The following CWC22 variants were observed in gnomAD, a reference collection of about 807,000 sequenced individuals.
The protein encoded by CWC22 is pre-mRNA-splicing factor CWC22 homolog.
In CWC22, 53 loss-of-function variants were observed where a neutral mutation model predicts 117.2. The ratio of observed to expected loss-of-function variants is 0.45; its 90% CI spans 0.36 to 0.57. CWC22 has a LOEUF of 0.57. Among genes scored for constraint, CWC22 ranks in the 20% least tolerant of loss-of-function variants. The probability of loss-of-function intolerance (pLI) is 0.00; values close to 1 mark genes in which losing one functional copy is unlikely to be tolerated. For synonymous variants in CWC22, 360 were observed against 355.6 expected (o/e 1.01, Z -0.14); for missense variants, 980 against 1,068.8 (o/e 0.92, Z 1.16).
rs138589602 is a variant in CWC22 at position 180,003,176 on chromosome 2, T to G, written c.-114+3691A>C. On this transcript the variant is annotated intron_variant, in intron 1 of 19. Transcript: ENST00000410053. ...AAATACTAAGATTTCCAAGTCTTAGTACATCAAGACAACACTATCAGATGC... is the reference window on the plus strand; with the variant it reads ...AAATACTAAGATTTCCAAGTCTTAGGACATCAAGACAACACTATCAGATGC... Among the ~76,000 whole-genome samples the G allele has an allele frequency of 4.8e-3, 727 of 152,278 alleles. 4 individuals are homozygous for G. Among genetic ancestry groups the G allele is most frequent in the African/African-American group, 0.016 (665 of 41,546 alleles).
At position 179,973,857 on chromosome 2, in the gene CWC22, C is replaced by T. The variant is rs112218071; in HGVS notation, c.582-55G>A. 2.4e-3 allele frequency: 2,444 copies of T among 1,035,368 alleles called. 9 individuals are homozygous for T. The highest frequency in any genetic ancestry group is 7.9e-3 in the Middle Eastern group (35 of 4,440). The allele number at this position is 1,035,368 out of a possible 1,614,324, so 64.1% of individuals were successfully genotyped here. A position where few individuals can be genotyped will look rare whatever the true frequency, so the allele number is the denominator to read the frequency against. ...AACAATAATCACCAAATTAATTAAA[C>T]GAAACAAAAACTATTAAAATTCAGT... On this transcript the variant is annotated intron_variant, in intron 6 of 19. Coordinates refer to ENST00000410053, the MANE Select transcript of CWC22 (RefSeq NM_020943.3).
chr2:179,946,893 G>A (rs972873054), intron 19 of CWC22, among the ~76,000 whole-genome samples: 2 of 152,126 alleles, frequency 1.3e-5, no homozygotes, highest in Admixed American at 6.5e-5. Flanking sequence ...TTACACTCAT[G>A]GGCTTTATTA....
chr2:179,949,108 C>G (rs1253472095), intron 19 of CWC22, among the ~76,000 whole-genome samples: 2 of 152,168 alleles, frequency 1.3e-5, no homozygotes, highest in South Asian at 4.2e-4. Context: ...ACTAGAGGGG[C>G]CAAGATGCAG....
At chr2:179,976,634 C>CAT (rs370869884) in intron 6 of CWC22, among the ~76,000 whole-genome samples, 113 of 150,846 alleles carry the variant, frequency 7.5e-4, no homozygotes, top group South Asian at 1.7e-3. Flanking sequence ...GTACAAATAG[C>CAT]ATATATATAT....
At chr2:179,959,681 A>C (rs537361562) in intron 13 of CWC22, among the ~76,000 whole-genome samples, 1 of 152,080 alleles carries the variant, frequency 6.6e-6, no homozygotes, top group Admixed American at 6.5e-5. Context: ...ATGTTACTGT[A>C]CTTCTGAATA....
chr2:179,950,502 G>A lies in CWC22; in HGVS notation c.2140+10C>T. ...AAAGAGCAAGCCAAATTACACATAA[G>A]CTTCAATACCTGAGGCAGAGCTATG... On this transcript the variant is annotated intron_variant, in intron 19 of 19. Transcript: ENST00000410053. 1 of 1,560,226 alleles carries A rather than the reference G, an allele frequency of 6.4e-7. No homozygotes were observed. The highest frequency in any genetic ancestry group is 8.8e-7 in the Non-Finnish European group (1 of 1,137,968).
chr2:179,988,688 G>T, intron 2 of CWC22, 44 bp from the exon 3 acceptor site: 2 of 1,053,206 alleles, frequency 1.9e-6, no homozygotes, highest in Non-Finnish European at 2.8e-6. Flanking sequence ...AATTATTTAT[G>T]TTAATAACAC....
intron 2 of CWC22, among the ~76,000 whole-genome samples, chr2:179,990,560 G>C (rs1239321800): frequency 1.3e-5 from 2 of 151,808 alleles, no homozygotes; most frequent in African/African-American, 4.8e-5. Flanking sequence ...GAGAGAGAGA[G>C]AGAGAGAGAG....
At chr2:179,964,990 G>A (rs1236948044) in intron 12 of CWC22, among the ~76,000 whole-genome samples, 1 of 152,010 alleles carries the variant, frequency 6.6e-6, no homozygotes, top group African/African-American at 2.4e-5. Context: ...TAACTCATGC[G>A]TAAAAATTCA....
chr2:179,982,127 G>A (rs371978009), intron 4 of CWC22, 130 bp from the exon 5 acceptor site: 8 of 618,350 alleles, frequency 1.3e-5, no homozygotes, highest in Non-Finnish European at 2.3e-5. Flanking sequence ...GTTTAGAATG[G>A]TGACAAAGTG....
intron 1 of CWC22, among the ~76,000 whole-genome samples, chr2:180,000,905 A>G (rs191340967): frequency 1.3e-5 from 2 of 152,188 alleles, no homozygotes; most frequent in African/African-American, 4.8e-5. Flanking sequence ...AGGTAGTATT[A>G]CCCCCATTCA....
Position 179,954,352 on chromosome 2 carries a change from A to G in CWC22, c.1542T>C (p.Phe514=), listed in dbSNP as rs1686530126. 6.4e-7 allele frequency: 1 copy of G among 1,561,552 alleles called. No homozygotes were observed. The highest frequency in any genetic ancestry group is 8.8e-7 in the Non-Finnish European group (1 of 1,142,114). Residue 514 remains phenylalanine (F), a synonymous_variant, in exon 16 of 20, where the codon TTT becomes TTC. Transcript: ENST00000410053. ...EKFFGLLAGR[F]CMLKKEYMES... ...CCATGTACTCTTTCTTTAGCATGCA[A>G]AATCGCTAATAAATAAAAAATCAGT...
Position 179,986,685 on chromosome 2 carries a change from C to A in CWC22, c.206+10G>T. The A allele has an allele frequency of 1.4e-6, 2 of 1,479,844 alleles. No individual in the cohort carries two copies. Among genetic ancestry groups the A allele is most frequent in the South Asian group, 1.2e-5 (1 of 83,538 alleles). The allele number at this position is 1,479,844 out of a possible 1,614,324, so 91.7% of individuals were successfully genotyped here. A position where few individuals can be genotyped will look rare whatever the true frequency, so the allele number is the denominator to read the frequency against. On this transcript the variant is annotated intron_variant, in intron 4 of 19. Coordinates refer to ENST00000410053, the MANE Select transcript of CWC22 (RefSeq NM_020943.3). Reference sequence around the variant, plus strand: ...CAATTTTCTACAAGTTAGAAATTCCCAACACTAACCGTGACTCCATGCTAC... The same window carrying A: ...CAATTTTCTACAAGTTAGAAATTCCAAACACTAACCGTGACTCCATGCTAC...
chr2:179,945,865 A>G (rs1686279955), intron 19 of CWC22, 150 bp from the exon 20 acceptor site: 1 of 584,576 alleles, frequency 1.7e-6, no homozygotes, highest in East Asian at 2.9e-5. Flanking sequence ...CTGATGACAC[A>G]GAGTCTTACC....
At chr2:179,995,335 G>A (rs1687672479) in intron 1 of CWC22, among the ~76,000 whole-genome samples, 1 of 152,140 alleles carries the variant, frequency 6.6e-6, no homozygotes, top group South Asian at 2.1e-4. Flanking sequence ...ACTCTGTGAT[G>A]GTAGCAGAGA....
At chr2:179,971,145 T>C in intron 8 of CWC22, 69 bp from the exon 9 acceptor site, 1 of 1,104,180 alleles carries the variant, frequency 9.1e-7, no homozygotes, top group Middle Eastern at 3.0e-4. Flanking sequence ...TTTTATAATT[T>C]CTAAAAATTA....
At chr2:179,996,802 G>A (rs1021664233) in intron 1 of CWC22, among the ~76,000 whole-genome samples, 1 of 149,128 alleles carries the variant, frequency 6.7e-6, no homozygotes. Context: ...CTTGAAAATA[G>A]TGAAACAATT....
chr2:179,990,663 C>T (rs1324040103), intron 2 of CWC22, among the ~76,000 whole-genome samples: 1 of 151,900 alleles, frequency 6.6e-6, no homozygotes, highest in East Asian at 1.9e-4. Context: ...TTTTACAAGG[C>T]AAAGAAAGTT....
rs1004584065 is a variant in CWC22, at chr2:179,971,187, T to A, written c.805-111A>T. On this transcript the variant is annotated intron_variant, in intron 8 of 19. Coordinates refer to ENST00000410053, the MANE Select transcript of CWC22 (RefSeq NM_020943.3). ...CTGTTTACAATAATTATATTGCACA[T>A]ATGATGGGCAAAGTTTTATAAAGCA... 5.6e-6 allele frequency: 4 copies of A among 709,462 alleles called. No homozygotes were observed. In the African/African-American group the frequency reaches 7.3e-5, roughly 13 times the overall value. 43.9% of individuals were successfully genotyped at this position (709,462 alleles called of 1,614,324 possible).
Sources: gnomAD v4.1 joint callset for allele counts (sites outside exome capture counted in the v4.1 genomes callset) on GRCh38, gnomAD v4.1.1 for gene constraint, MANE v1.5 for transcripts, NCBI Gene and HGNC (gene_info 2026-07-23, HGNC 2026-07-21) for gene names.